GATAD2B: variants seen among roughly 807,000 people sequenced by gnomAD.
The protein encoded by GATAD2B is transcriptional repressor p66-beta.
Under a neutral mutation model 64.3 loss-of-function variants are expected in GATAD2B, and 8 were observed. The ratio of observed to expected loss-of-function variants is 0.12; its 90% CI spans 0.07 to 0.22. The LOEUF (loss-of-function observed/expected upper bound fraction) is 0.22. GATAD2B is among the 10% of genes least tolerant of loss of function. The probability of loss-of-function intolerance (pLI) is 1.00; values close to 1 mark genes in which losing one functional copy is unlikely to be tolerated. For missense variants in GATAD2B, 453 were observed against 752.0 expected, an observed-to-expected ratio of 0.60 and a Z score of 4.65; for synonymous variants, 281 against 271.3, an observed-to-expected ratio of 1.04 and a Z score of -0.35.
chr1:153,806,375 A>T lies in GATAD2B; in HGVS notation c.*3802T>A, dbSNP rs1352779183. ...AGGGTGGGGAGGCAAGGCACAAATT[A>T]GGGGTGGGTGGTGGGGGAGGTGGCA... On this transcript the variant is annotated 3_prime_UTR_variant, in exon 11 of 11. Transcript: ENST00000368655. 1 of 37,470 alleles carries T rather than the reference A, an allele frequency of 2.7e-5. No individual in the cohort carries two copies. Among genetic ancestry groups the T allele is most frequent in the Non-Finnish European group, 5.1e-5 (1 of 19,448 alleles). 2.3% of individuals were successfully genotyped at this position (37,470 alleles called of 1,614,324 possible). A position where few individuals can be genotyped will look rare whatever the true frequency, so the allele number is the denominator to read the frequency against.
intron 1 of GATAD2B, among the ~76,000 whole-genome samples, chr1:153,878,796 G>A (rs1220583679): frequency 1.1e-4 from 2 of 18,002 alleles, no homozygotes; most frequent in African/African-American, 2.3e-4. Context: ...TTTTTTTTTT[G>A]AGACAGAGTA....
intron 1 of GATAD2B, among the ~76,000 whole-genome samples, chr1:153,885,659 G>A (rs1677158621): frequency 6.6e-6 from 1 of 152,010 alleles, no homozygotes; most frequent in Non-Finnish European, 1.5e-5. Flanking sequence ...CGAGGAGATT[G>A]AGACCATCCT....
In GATAD2B at chr1:153,810,238, T is replaced by A; in HGVS notation, c.1721A>T (p.Glu574Val). 1 of 1,613,264 alleles carries A rather than the reference T, an allele frequency of 6.2e-7. No homozygotes were observed. Among genetic ancestry groups the A allele is most frequent in the Non-Finnish European group, 8.5e-7 (1 of 1,179,686 alleles). The change falls in exon 11 of 11, where the codon GAA (glutamate) becomes GTA (valine). Residue 574 changes from glutamate to valine, a missense_variant. By Grantham distance (121) the Glu-to-Val change is moderately radical (BLOSUM62 -2). Transcript: ENST00000368655. Reference protein sequence around the residue: ...KGPSLADRQREYLLDMIPPRS... With the variant: ...KGPSLADRQRVYLLDMIPPRS... ...GGGAGGGATCATGTCTAAAAGGTAT[T>A]CACGCTGTCGGTCTGCCAAACTGGG...
intron 1 of GATAD2B, among the ~76,000 whole-genome samples, chr1:153,857,009 G>T (rs1223421923): frequency 1.3e-5 from 2 of 151,906 alleles, no homozygotes; most frequent in Non-Finnish European, 2.9e-5. Flanking sequence ...AGCCCTATTT[G>T]CCTTGGGGAA....
intron 1 of GATAD2B, among the ~76,000 whole-genome samples, chr1:153,860,607 T>C (rs952579746): frequency 6.6e-6 from 1 of 151,914 alleles, no homozygotes; most frequent in Non-Finnish European, 1.5e-5. Context: ...AACATTAAGA[T>C]TCCAGGCACG....
chr1:153,806,283 G>C lies in GATAD2B; in HGVS notation c.*3894C>G, dbSNP rs1303139444. Reference sequence around the variant, plus strand: ...CAACCTAATGCTGGGGGATAGGGAGGGTGGGCAGGTTAGGGTAGGGAGTGG... The same window carrying C: ...CAACCTAATGCTGGGGGATAGGGAGCGTGGGCAGGTTAGGGTAGGGAGTGG... On this transcript the variant is annotated 3_prime_UTR_variant, in exon 11 of 11. Coordinates refer to ENST00000368655, the MANE Select transcript of GATAD2B (RefSeq NM_020699.4). The C allele has an allele frequency of 6.6e-6, 1 of 152,144 alleles. No homozygotes were observed. Among genetic ancestry groups the C allele is most frequent in the African/African-American group, 2.4e-5 (1 of 41,422 alleles). 9.4% of individuals were successfully genotyped at this position (152,144 alleles called of 1,614,324 possible).
intron 1 of GATAD2B, among the ~76,000 whole-genome samples, chr1:153,840,877 G>A (rs1026562391): frequency 4.6e-5 from 7 of 152,064 alleles, no homozygotes; most frequent in Non-Finnish European, 1.0e-4. Flanking sequence ...TGTAATCCCA[G>A]CACTCTGGGA....
At chr1:153,827,293 A>G (rs1326002270) in intron 2 of GATAD2B, among the ~76,000 whole-genome samples, 1 of 145,720 alleles carries the variant, frequency 6.9e-6, no homozygotes, top group African/African-American at 2.5e-5. Context: ...AACAAAAAGA[A>G]AAAAAAAACC....
At chr1:153,872,789 G>A (rs975880314) in intron 1 of GATAD2B, among the ~76,000 whole-genome samples, 6 of 152,096 alleles carry the variant, frequency 3.9e-5, no homozygotes, top group African/African-American at 1.4e-4. Context: ...CTAGTTAGCT[G>A]GAAACCCAAA....
intron 1 of GATAD2B, among the ~76,000 whole-genome samples, chr1:153,834,843 C>A (rs1675213892): frequency 6.6e-6 from 1 of 152,002 alleles, no homozygotes; most frequent in Non-Finnish European, 1.5e-5. Flanking sequence ...GGGCAAGGCA[C>A]AGCTGGGATC....
intron 1 of GATAD2B, among the ~76,000 whole-genome samples, chr1:153,896,524 C>T (rs1036598188): frequency 6.6e-6 from 1 of 150,926 alleles, no homozygotes; most frequent in Admixed American, 6.6e-5. Flanking sequence ...ACAACCTCCA[C>T]CTCCCGGGTT....
intron 1 of GATAD2B, among the ~76,000 whole-genome samples, chr1:153,896,336 G>T (rs1472667411): frequency 6.6e-6 from 1 of 151,872 alleles, no homozygotes; most frequent in Non-Finnish European, 1.5e-5. Flanking sequence ...CAACAAATAG[G>T]TCAGATAAAG....
At chr1:153,826,507 A>T (rs1261907663) in intron 2 of GATAD2B, among the ~76,000 whole-genome samples, 2 of 152,100 alleles carry the variant, frequency 1.3e-5, no homozygotes. Flanking sequence ...ACGCGCCTGT[A>T]ATCTCAGCTA....
intron 1 of GATAD2B, among the ~76,000 whole-genome samples, chr1:153,867,470 T>C (rs529813699): frequency 5.3e-4 from 80 of 151,874 alleles, no homozygotes; most frequent in Admixed American, 2.6e-3. Context: ...GATTGCACCA[T>C]TGTACTCCAG....
chr1:153,908,799 AAAAG>A (rs1375639844), intron 1 of GATAD2B, among the ~76,000 whole-genome samples: 31 of 149,654 alleles, frequency 2.1e-4, no homozygotes, highest in East Asian at 5.8e-4. Flanking sequence ...AAAAAAAAAA[AAAAG>A]AAAGAAAGAA....
In GATAD2B at chr1:153,817,455, G is replaced by C; in HGVS notation, c.817C>G (p.Leu273Val). The change falls in exon 6 of 11, where the codon CTA becomes GTA. Residue 273 changes from leucine (L) to valine (V), a missense_variant. Around this residue, in one of 2 missense-constraint regions of GATAD2B, gnomAD observed 293 missense variants for 417.2 expected, o/e 0.70. Coordinates refer to ENST00000368655, the MANE Select transcript of GATAD2B (RefSeq NM_020699.4). ...QRVIAPNPAQLQGQRGPPKPG... is the reference protein window; with the variant it reads ...QRVIAPNPAQVQGQRGPPKPG... ...TTAGGCGGGCCCCGCTGACCCTGTAGCTGGGCTGGGTTTGGTGCAATAACA... is the reference window on the plus strand; with the variant it reads ...TTAGGCGGGCCCCGCTGACCCTGTACCTGGGCTGGGTTTGGTGCAATAACA... 6.2e-7 allele frequency: 1 copy of C among 1,613,550 alleles called. No homozygotes were observed. The highest frequency in any genetic ancestry group is 8.5e-7 in the Non-Finnish European group (1 of 1,179,834).
rs1677921723 is a variant in GATAD2B, at chr1:153,906,126, G to A, written c.-2+16607C>T. Among the ~76,000 whole-genome samples the A allele has an allele frequency of 3.3e-5, 5 of 151,080 alleles. No homozygotes were observed. The Admixed American group carries it at 3.3e-4, about 10-fold the overall frequency. On this transcript the variant is annotated intron_variant, in intron 1 of 10. Coordinates refer to ENST00000368655, the MANE Select transcript of GATAD2B (RefSeq NM_020699.4). The stretch of plus-strand genomic sequence containing the variant: ...CACACACACACACACAAAACAGTGT[G>A]GGGCCAGGCGTGGTGGCTCATACCT...
chr1:153,865,444 G>A (rs1676443594), intron 1 of GATAD2B, among the ~76,000 whole-genome samples: 1 of 152,084 alleles, frequency 6.6e-6, no homozygotes, highest in Non-Finnish European at 1.5e-5. Context: ...CTAGGTGACA[G>A]AGTGAGACTC....
At chr1:153,825,536 G>A (rs559043103) in intron 2 of GATAD2B, among the ~76,000 whole-genome samples, 3 of 152,106 alleles carry the variant, frequency 2.0e-5, no homozygotes, top group Admixed American at 6.5e-5. Flanking sequence ...CAATTCTCAC[G>A]CTTCAGCCTC....
Sources: allele counts gnomAD v4.1 joint callset (sites outside exome capture counted in the v4.1 genomes callset), GRCh38; gene constraint gnomAD v4.1.1; regional missense constraint gnomAD v4.1.1; transcripts MANE v1.5; gene names NCBI Gene and HGNC (gene_info 2026-07-23, HGNC 2026-07-21).